Variants in NRG3 observed in about 807,000 individuals in gnomAD.
The protein encoded by NRG3 is neuregulin 3.
In NRG3, 31 loss-of-function variants were observed where a neutral mutation model predicts 66.9. The observed-to-expected ratio is 0.46, with a 90% confidence interval of 0.35 to 0.63. The LOEUF is 0.63. NRG3 is among the 20% of genes least tolerant of loss of function. NRG3 has a pLI of 0.00. For missense variants in NRG3, 910 were observed against 878.9 expected, an observed-to-expected ratio of 1.04 and a Z score of -0.45; for synonymous variants, 393 against 359.4, an observed-to-expected ratio of 1.09 and a Z score of -1.06.
chr10:82,067,544 C>T (rs1015870340), intron 1 of NRG3, among the ~76,000 whole-genome samples: 31 of 152,154 alleles, frequency 2.0e-4, no homozygotes, highest in African/African-American at 6.0e-4. Flanking sequence ...GACGGGTTTT[C>T]GCCATGTTGG....
At chr10:81,887,144 G>A (rs1406508681) in intron 1 of NRG3, among the ~76,000 whole-genome samples, 1 of 152,058 alleles carries the variant, frequency 6.6e-6, no homozygotes, top group East Asian at 1.9e-4. Flanking sequence ...CTTAATTGGT[G>A]GTGTCAGCAT....
At chr10:82,888,485 A>T (rs1842897316) in intron 4 of NRG3, among the ~76,000 whole-genome samples, 1 of 152,154 alleles carries the variant, frequency 6.6e-6, no homozygotes, top group Admixed American at 6.5e-5. Flanking sequence ...TCATCACAAA[A>T]ATCTCTTTTA....
At chr10:82,323,433 GC>G (rs2081683838) in intron 1 of NRG3, among the ~76,000 whole-genome samples, 1 of 151,032 alleles carries the variant, frequency 6.6e-6, no homozygotes, top group African/African-American at 2.4e-5. Context: ...TGTTAATATT[GC>G]ATGTAAAATC....
At chr10:81,920,136 A>G (rs2132858275) in intron 1 of NRG3, among the ~76,000 whole-genome samples, 1 of 152,226 alleles carries the variant, frequency 6.6e-6, no homozygotes, top group Admixed American at 6.5e-5. Flanking sequence ...ACACTATGAG[A>G]AAGGGAGCCT....
At chr10:82,767,020 T>C (rs1196697071) in intron 3 of NRG3, among the ~76,000 whole-genome samples, 3 of 149,282 alleles carry the variant, frequency 2.0e-5, no homozygotes, top group African/African-American at 4.9e-5. Context: ...TATATATAAA[T>C]CCTTATATAT....
intron 1 of NRG3, among the ~76,000 whole-genome samples, chr10:81,879,466 A>G (rs1198227567): frequency 5.9e-5 from 9 of 152,250 alleles, no homozygotes; most frequent in Admixed American, 3.9e-4. Context: ...TTTTAGAGAC[A>G]TAGAATTCTT....
At chr10:82,166,706 G>A (rs2072086768) in intron 1 of NRG3, 2 of 574,246 alleles carry the variant, frequency 3.5e-6, no homozygotes, top group South Asian at 2.5e-5. Flanking sequence ...CATTTCTGGT[G>A]CTCTTCATTC....
At chr10:82,782,354 T>G (rs2060152135) in intron 3 of NRG3, among the ~76,000 whole-genome samples, 1 of 152,134 alleles carries the variant, frequency 6.6e-6, no homozygotes, top group Admixed American at 6.6e-5. Flanking sequence ...AACCTTTTGC[T>G]GTGCAATAAT....
At chr10:82,392,738 C>T (rs2086463275) in intron 2 of NRG3, among the ~76,000 whole-genome samples, 1 of 152,074 alleles carries the variant, frequency 6.6e-6, no homozygotes, top group Admixed American at 6.6e-5. Flanking sequence ...AGCATTATAG[C>T]TTGGCTGGCA....
At chr10:82,691,299 C>T (rs2054908237) in intron 2 of NRG3, among the ~76,000 whole-genome samples, 1 of 152,164 alleles carries the variant, frequency 6.6e-6, no homozygotes, top group South Asian at 2.1e-4. Context: ...GCTCCTGAGC[C>T]CTGAGCCTAA....
At chr10:82,433,840 TGG>T (rs1256272627) in intron 2 of NRG3, among the ~76,000 whole-genome samples, 1 of 152,222 alleles carries the variant, frequency 6.6e-6, no homozygotes, top group Non-Finnish European at 1.5e-5. Context: ...CTTGCTGTTT[TGG>T]TTGCTGTAGT....
intron 1 of NRG3, among the ~76,000 whole-genome samples, chr10:81,981,032 A>C (rs1211538148): frequency 2.6e-5 from 4 of 152,308 alleles, no homozygotes; most frequent in Non-Finnish European, 4.4e-5. Context: ...GCATGAAGGG[A>C]GCATAAATCC....
At chr10:82,866,891 G>T (rs1432260598) in intron 4 of NRG3, among the ~76,000 whole-genome samples, 1 of 152,066 alleles carries the variant, frequency 6.6e-6, no homozygotes. Context: ...GAAACTAGAG[G>T]TCAAGGACTT....
intron 1 of NRG3, among the ~76,000 whole-genome samples, chr10:82,276,995 A>T (rs982773249): frequency 1.3e-5 from 2 of 152,008 alleles, no homozygotes; most frequent in African/African-American, 4.8e-5. Flanking sequence ...GTGGTTTTTA[A>T]TAAAATATTT....
intron 2 of NRG3, among the ~76,000 whole-genome samples, chr10:82,402,036 A>G (rs553989554): frequency 1.3e-5 from 2 of 152,118 alleles, no homozygotes; most frequent in Non-Finnish European, 2.9e-5. Context: ...TTAGGTTTCT[A>G]TGATAAAACC....
At chr10:81,911,307 A>G (rs764271190) in intron 1 of NRG3, among the ~76,000 whole-genome samples, 8 of 152,166 alleles carry the variant, frequency 5.3e-5, no homozygotes, top group Non-Finnish European at 1.2e-4. Flanking sequence ...AAGTGCTACT[A>G]CATAGTGAAA....
chr10:82,447,298 G>A (rs775341427), intron 2 of NRG3, among the ~76,000 whole-genome samples: 23 of 152,204 alleles, frequency 1.5e-4, no homozygotes, highest in Non-Finnish European at 2.8e-4. Flanking sequence ...ACCAGCAGTC[G>A]GGGAGGCCAG....
At chr10:82,912,306 T>A (rs1845397726) in intron 4 of NRG3, among the ~76,000 whole-genome samples, 1 of 152,218 alleles carries the variant, frequency 6.6e-6, no homozygotes. Flanking sequence ...CTTCTAGTTT[T>A]AGCCTTACAT....
At position 82,803,334 on chromosome 10, in the gene NRG3, A is replaced by T. The variant is rs1338279854; in HGVS notation, c.1028-62077A>T. Among the ~76,000 whole-genome samples, 7 of 152,286 alleles carry T rather than the reference A, an allele frequency of 4.6e-5. No homozygotes were observed. The East Asian group carries it at 1.4e-3, about 29-fold the overall frequency. On this transcript the variant is annotated intron_variant, in intron 3 of 8. Coordinates refer to ENST00000372141, the MANE Select transcript of NRG3 (RefSeq NM_001010848.4). ...CAATATTCTTTTAAATTGCCTGTAA[A>T]TGTTTCTGCGCTTATTTGTGTGGGA...
Sources: gnomAD v4.1 joint callset for allele counts (sites outside exome capture counted in the v4.1 genomes callset) on GRCh38, gnomAD v4.1.1 for gene constraint, MANE v1.5 for transcripts, NCBI Gene and HGNC (gene_info 2026-07-23, HGNC 2026-07-21) for gene names.